The following CAPN2 variants were observed in gnomAD, a reference collection of about 807,000 sequenced individuals.
CAPN2 encodes calpain 2.
CAPN2 carries 92 observed loss-of-function variants against 102.3 expected under a neutral mutation model. The observed-to-expected ratio is 0.90, with a 90% CI of 0.76 to 1.07. The LOEUF is 1.07. Among genes scored for constraint, CAPN2 ranks in the 50% least tolerant of loss-of-function variants. The pLI, the probability that CAPN2 is intolerant of heterozygous loss-of-function variation, is 0.00. For synonymous variants in CAPN2, 340 were observed against 355.4 expected (o/e 0.96, Z 0.49); for missense variants, 800 against 909.4 (o/e 0.88, Z 1.55).
At chr1:223,724,567 T>C (rs1426725398) in intron 2 of CAPN2, among the ~76,000 whole-genome samples, 1 of 152,266 alleles carries the variant, frequency 6.6e-6, no homozygotes, top group Non-Finnish European at 1.5e-5. Context: ...ATGTTCCTTG[T>C]GGCTGCTGCA....
Position 223,745,301 on chromosome 1 carries a change from T to C in CAPN2, c.427-5T>C. ...CTCCTGCAGCCCACCTCTCTTGTTCTGCAGTTCTGGCAATACGGCGAGTGG... is the reference window on the plus strand; with the variant it reads ...CTCCTGCAGCCCACCTCTCTTGTTCCGCAGTTCTGGCAATACGGCGAGTGG... On this transcript the variant is annotated splice_region_variant and splice_polypyrimidine_tract_variant and intron_variant, in intron 3 of 20. Transcript: ENST00000295006. 6.2e-7 allele frequency: 1 copy of C among 1,614,162 alleles called. No individual in the cohort carries two copies. Among genetic ancestry groups the C allele is most frequent in the Non-Finnish European group, 8.5e-7 (1 of 1,180,030 alleles).
intron 2 of CAPN2, among the ~76,000 whole-genome samples, chr1:223,737,721 G>GGGGGTA (rs146144248): frequency 2.8e-5 from 2 of 70,192 alleles, no homozygotes; most frequent in African/African-American, 1.1e-4. Context: ...GGGTGGGGGG[G>GGGGGTA]AGAGAATACA....
At position 223,725,752 on chromosome 1, in the gene CAPN2, G is replaced by A. The variant is rs1197151650; in HGVS notation, c.307+7921G>A. 2.6e-5 allele frequency among the ~76,000 whole-genome samples: 4 copies of A among 152,184 alleles called. No individual in the cohort carries two copies. Among genetic ancestry groups the A allele is most frequent in the African/African-American group, 9.7e-5 (4 of 41,442 alleles). ...GGTCACACAATGGTCATGGCCTCCT[G>A]ATGTTTCCCACAAAGGGCCAGAGGC... is the stretch of plus-strand genomic sequence containing the variant. On this transcript the variant is annotated intron_variant, in intron 2 of 20. Coordinates refer to ENST00000295006, the MANE Select transcript of CAPN2 (RefSeq NM_001748.5). This position sits in a 1 kb window ranked among gnomAD's most constrained non-coding sequence, Gnocchi z 4.1.
chr1:223,711,334 CTG>C (rs1401926708), upstream of CAPN2, among the ~76,000 whole-genome samples: 2 of 152,196 alleles, frequency 1.3e-5, no homozygotes, highest in Non-Finnish European at 2.9e-5. Context: ...ACCCATGTCT[CTG>C]TGTGTGAGAT....
intron 14 of CAPN2, among the ~76,000 whole-genome samples, chr1:223,762,880 A>G (rs1283697663): frequency 6.6e-6 from 1 of 151,918 alleles, no homozygotes; most frequent in Non-Finnish European, 1.5e-5. Context: ...GTAGAGATGG[A>G]GTTTTGCCAT....
At chr1:223,757,590 G>C in intron 11 of CAPN2, 1 of 571,782 alleles carries the variant, frequency 1.7e-6, no homozygotes. Context: ...AGTCCTTGTG[G>C]GACCCGCTGC....
Position 223,759,473 on chromosome 1 carries a change from T to G in CAPN2, c.1521T>G (p.Ala507=). The change falls in exon 12 of 21, where the codon GCT becomes GCG. Residue 507 remains alanine (A), a synonymous_variant. Coordinates refer to ENST00000295006, the MANE Select transcript of CAPN2 (RefSeq NM_001748.5). This position sits in a 1 kb window ranked among gnomAD's most constrained non-coding sequence, Gnocchi z 4.6. ...TCCGGGTCTTTTCTGAAAAGAAAGC[T>G]GACTACCAGTAGGCGGTTTGGTCCC... is the stretch of plus-strand genomic sequence containing the variant. ...FCIRVFSEKK[A]DYQAVDDEIE... 12 of 1,613,896 alleles carry G rather than the reference T, an allele frequency of 7.4e-6. 1 individual carries two copies. Among genetic ancestry groups the G allele is most frequent in the African/African-American group, 5.3e-5 (4 of 75,050 alleles).
upstream of CAPN2, among the ~76,000 whole-genome samples, chr1:223,707,743 A>T (rs540706962): frequency 6.6e-6 from 1 of 152,290 alleles, no homozygotes; most frequent in South Asian, 2.1e-4. Context: ...GGGAAGAGGA[A>T]CTTCAGGTGA....
intron 2 of CAPN2, among the ~76,000 whole-genome samples, chr1:223,719,231 C>T (rs28370028): frequency 0.015 from 2,345 of 152,162 alleles, 66 homozygotes; most frequent in African/African-American, 0.053. Context: ...TGACCAACCC[C>T]GGGGGCTTTA....
chr1:223,722,558 G>C (rs1280520943), intron 2 of CAPN2, among the ~76,000 whole-genome samples: 1 of 151,434 alleles, frequency 6.6e-6, no homozygotes, highest in Admixed American at 6.6e-5. Context: ...CCCAAGTGCT[G>C]GGATTACAGG....
rs1235638019 is a variant in CAPN2 at position 223,769,927 on chromosome 1, C to T, written c.1824+18C>T. The T allele has an allele frequency of 3.8e-6, 6 of 1,567,012 alleles. No homozygotes were observed. The South Asian group carries it at 4.7e-5, about 12-fold the overall frequency. ...AATACCAAGTAAGATCCCAGAGATG[C>T]GGGTGGATCTGTGTTGGGAAACATT... On this transcript the variant is annotated intron_variant, in intron 17 of 20. Coordinates refer to ENST00000295006, the MANE Select transcript of CAPN2 (RefSeq NM_001748.5).
At chr1:223,747,314 T>A in intron 5 of CAPN2, 149 bp downstream of exon 5, 1 of 654,322 alleles carries the variant, frequency 1.5e-6, no homozygotes, top group Non-Finnish European at 2.4e-6. Flanking sequence ...CCCTCCACCC[T>A]CTGAAGGTCC....
chr1:223,774,963 T>C lies in CAPN2; in HGVS notation c.*106T>C. ...TCTGGACCTCAAAATTATGGGAACA[T>C]TTACTTAAACGGATGATCATAGCTG... On this transcript the variant is annotated 3_prime_UTR_variant, in exon 21 of 21. Transcript: ENST00000295006. The C allele has an allele frequency of 4.3e-6, 4 of 933,946 alleles. No individual in the cohort carries two copies. The South Asian group carries it at 5.6e-5, about 13-fold the overall frequency. The allele number at this position is 933,946 out of a possible 1,614,324, so 57.9% of individuals were successfully genotyped here.
intron 19 of CAPN2, 100 bp from the exon 20 acceptor site, chr1:223,772,081 T>C: frequency 1.7e-6 from 2 of 1,193,316 alleles, no homozygotes; most frequent in South Asian, 2.5e-5. Flanking sequence ...GAAGAAAGCA[T>C]GTATGGTGGT....
rs767970921 is a variant in CAPN2 at position 223,712,853 on chromosome 1, G to A, written c.213G>A (p.Arg71=). ...TGGGGCCCTACTCCAGCAAAACCCG[G>A]GGCATCGAGTGGAAGCGCCCCACGG... ...KELGPYSSKT[R]GIEWKRPTEI... is the part of the protein sequence containing the mutation. Residue 71 remains arginine (R), a synonymous_variant, in exon 1 of 21, where the codon CGG becomes CGA. Transcript: ENST00000295006. 2 of 1,550,792 alleles carry A rather than the reference G, an allele frequency of 1.3e-6. No homozygotes were observed. The highest frequency in any genetic ancestry group is 5.2e-5 in the East Asian group (2 of 38,138).
rs72749524 is a variant in CAPN2, at chr1:223,754,356, C to T, written c.1136-1124C>T. On this transcript the variant is annotated intron_variant, in intron 9 of 20. Transcript: ENST00000295006. This position sits in a 1 kb window ranked among gnomAD's most constrained non-coding sequence, Gnocchi z 4.7. Reference sequence around the variant, plus strand: ...CCTCTGCCCCCCACAAGGGACCCCTCCTACCCACTAGATCAGGAGTCGGAA... The same window carrying T: ...CCTCTGCCCCCCACAAGGGACCCCTTCTACCCACTAGATCAGGAGTCGGAA... Among the ~76,000 whole-genome samples, 463 of 152,338 alleles carry T rather than the reference C, an allele frequency of 3.0e-3. 1 individual carries two copies. The highest frequency in any genetic ancestry group is 5.3e-3 in the Non-Finnish European group (361 of 68,028).
At chr1:223,704,086 T>C (rs187490868) in intron 1 of CAPN2, among the ~76,000 whole-genome samples, 2 of 151,910 alleles carry the variant, frequency 1.3e-5, no homozygotes, top group East Asian at 3.9e-4. Flanking sequence ...AGGTCAGGAG[T>C]TGGAGACCAG....
intron 9 of CAPN2, 22 bp downstream of exon 9, chr1:223,752,978 G>C: frequency 1.2e-6 from 2 of 1,612,278 alleles, no homozygotes; most frequent in Non-Finnish European, 1.7e-6. Context: ...TGCATATAAG[G>C]GCTGTTGCAA....
At chr1:223,705,317 C>G (rs1388277195) in intron 1 of CAPN2, among the ~76,000 whole-genome samples, 1 of 152,132 alleles carries the variant, frequency 6.6e-6, no homozygotes, top group East Asian at 1.9e-4. Context: ...CTGAACTGTA[C>G]AGGGGAAACT....
Sources: allele counts gnomAD v4.1 joint callset (sites outside exome capture counted in the v4.1 genomes callset), GRCh38; gene constraint gnomAD v4.1.1; non-coding constraint Gnocchi (gnomAD v3.1); transcripts MANE v1.5; gene names NCBI Gene and HGNC (gene_info 2026-07-23, HGNC 2026-07-21).